The following ADCY2 variants were observed in gnomAD, a reference collection of about 807,000 sequenced individuals.
ADCY2 encodes the protein adenylate cyclase type 2.
In ADCY2, 31 loss-of-function variants were observed where a neutral mutation model predicts 125.2. The observed-to-expected ratio is 0.25, with a 90% CI of 0.19 to 0.33. The LOEUF (loss-of-function observed/expected upper bound fraction) is 0.33, where lower values mean the gene tolerates loss of function less well. ADCY2 is among the 10% of genes least tolerant of loss of function. The probability of loss-of-function intolerance (pLI) is 1.00; values close to 1 mark genes in which losing one functional copy is unlikely to be tolerated. For synonymous variants in ADCY2, 512 were observed against 548.4 expected (o/e 0.93, Z 0.93); for missense variants, 904 against 1,418.2 (o/e 0.64, Z 5.82).
At chr5:7,489,509 G>A (rs1335778288) in intron 2 of ADCY2, among the ~76,000 whole-genome samples, 1 of 152,142 alleles carries the variant, frequency 6.6e-6, no homozygotes, top group African/African-American at 2.4e-5. Flanking sequence ...TAGGCATATG[G>A]TAGTGAGTGA....
At chr5:7,538,702 G>A (rs558704597) in intron 3 of ADCY2, among the ~76,000 whole-genome samples, 2 of 152,058 alleles carry the variant, frequency 1.3e-5, no homozygotes, top group East Asian at 3.9e-4. Flanking sequence ...ACCTTAATGG[G>A]AAGAAATGCA....
intron 3 of ADCY2, among the ~76,000 whole-genome samples, chr5:7,593,700 A>C (rs1736917826): frequency 6.6e-6 from 1 of 152,226 alleles, no homozygotes; most frequent in African/African-American, 2.4e-5. Flanking sequence ...AAATGCCCCC[A>C]GGTCCTTTTT....
chr5:7,418,772 C>G (rs1216208441), intron 2 of ADCY2, among the ~76,000 whole-genome samples: 1 of 149,574 alleles, frequency 6.7e-6, no homozygotes, highest in Non-Finnish European at 1.5e-5. Flanking sequence ...TCTCCTGCCT[C>G]AGCCTCCTGA....
At chr5:7,650,904 T>C (rs1426548525) in intron 4 of ADCY2, among the ~76,000 whole-genome samples, 1 of 152,174 alleles carries the variant, frequency 6.6e-6, no homozygotes, top group Non-Finnish European at 1.5e-5. Context: ...AATGTTTGCA[T>C]AAATGGGTGC....
At chr5:7,443,467 C>T (rs1418648610) in intron 2 of ADCY2, among the ~76,000 whole-genome samples, 2 of 151,160 alleles carry the variant, frequency 1.3e-5, no homozygotes, top group African/African-American at 2.4e-5. Context: ...GGTGAAACCC[C>T]GTCTCTACTA....
intron 3 of ADCY2, among the ~76,000 whole-genome samples, chr5:7,557,980 C>A (rs1328043356): frequency 6.6e-6 from 1 of 152,134 alleles, no homozygotes; most frequent in Non-Finnish European, 1.5e-5. Context: ...ACACTCTCAC[C>A]AACTGTGTAT....
chr5:7,694,451 C>T (rs191990261), intron 5 of ADCY2, among the ~76,000 whole-genome samples: 1 of 152,278 alleles, frequency 6.6e-6, no homozygotes, highest in African/African-American at 2.4e-5. Context: ...ACTCCCCCTC[C>T]CCCAAGTCCC....
intron 3 of ADCY2, among the ~76,000 whole-genome samples, chr5:7,529,695 C>T (rs914231240): frequency 1.3e-5 from 2 of 152,196 alleles, no homozygotes; most frequent in Admixed American, 1.3e-4. Context: ...GGCTTCCTGG[C>T]CATTGAGAGT....
intron 3 of ADCY2, among the ~76,000 whole-genome samples, chr5:7,615,068 G>C (rs545413327): frequency 3.2e-4 from 49 of 152,040 alleles, no homozygotes; most frequent in Admixed American, 1.3e-3. Context: ...TAGTGGAGCA[G>C]GAGAGAGAGA....
At chr5:7,774,310 T>G (rs1743648162) in intron 18 of ADCY2, among the ~76,000 whole-genome samples, 1 of 152,224 alleles carries the variant, frequency 6.6e-6, no homozygotes, top group Non-Finnish European at 1.5e-5. Context: ...ATAATTATAT[T>G]TATGATTCCT....
At chr5:7,457,845 C>T (rs370823549) in intron 2 of ADCY2, among the ~76,000 whole-genome samples, 3 of 152,174 alleles carry the variant, frequency 2.0e-5, no homozygotes, top group Non-Finnish European at 2.9e-5. Flanking sequence ...GTTACCACGT[C>T]GTCCTGTTAT....
intron 20 of ADCY2, among the ~76,000 whole-genome samples, chr5:7,791,291 G>A (rs1744242275): frequency 6.6e-6 from 1 of 152,068 alleles, no homozygotes; most frequent in Non-Finnish European, 1.5e-5. Context: ...TTTCACTGAG[G>A]CATGGGAGTG....
intron 4 of ADCY2, among the ~76,000 whole-genome samples, chr5:7,689,987 T>C (rs1404153904): frequency 6.6e-6 from 1 of 152,206 alleles, no homozygotes; most frequent in Non-Finnish European, 1.5e-5. Flanking sequence ...CTAACTAGAA[T>C]AAGTTTATGT....
chr5:7,507,715 T>G (rs1362670533), intron 2 of ADCY2, among the ~76,000 whole-genome samples: 1 of 152,144 alleles, frequency 6.6e-6, no homozygotes, highest in Non-Finnish European at 1.5e-5. Flanking sequence ...GTGTTTTTGT[T>G]AGGACAGATG....
In ADCY2 at chr5:7,826,814, G is replaced by A. The variant is rs570658451; in HGVS notation, c.3219G>A (p.Thr1073=). ...TGAAAGGAAAGGGGGACCTGAAGAC[G>A]TACTTTGTAAACACAGAAATGTCAA... ...INVKGKGDLK[T]YFVNTEMSRS... Residue 1073 remains threonine, a synonymous_variant, in exon 25 of 25, where the codon ACG becomes ACA. Transcript: ENST00000338316. 1.1e-5 allele frequency: 18 copies of A among 1,613,980 alleles called. No individual in the cohort carries two copies. Among genetic ancestry groups the A allele is most frequent in the East Asian group, 6.7e-5 (3 of 44,888 alleles).
intron 4 of ADCY2, among the ~76,000 whole-genome samples, chr5:7,682,261 C>A (rs115133701): frequency 6.6e-6 from 1 of 152,114 alleles, no homozygotes. Context: ...GTTCTAAAAT[C>A]GCCTGGGAAT....
intron 1 of ADCY2, among the ~76,000 whole-genome samples, chr5:7,410,971 TGA>T (rs1264916092): frequency 6.6e-6 from 1 of 152,156 alleles, no homozygotes; most frequent in East Asian, 1.9e-4. Context: ...ATCCTAGGTC[TGA>T]GAGTGTCTCT....
rs116573699 is a variant in ADCY2 at position 7,575,098 on chromosome 5, G to A, written c.571-51069G>A. 7.5e-3 allele frequency among the ~76,000 whole-genome samples: 1,136 copies of A among 152,194 alleles called. 14 individuals carry two copies. The highest frequency in any genetic ancestry group is 0.026 in the African/African-American group (1,070 of 41,516). ...CCCAGAACTTTGGGAGGCTGAGGCC[G>A]AAGGATCACTTGAGGCCAGGAATTT... On this transcript the variant is annotated intron_variant, in intron 3 of 24. Transcript: ENST00000338316.
At chr5:7,808,402 A>G (rs112216170) in intron 22 of ADCY2, among the ~76,000 whole-genome samples, 3 of 151,828 alleles carry the variant, frequency 2.0e-5, no homozygotes, top group African/African-American at 7.3e-5. Context: ...AGCTTCCTTC[A>G]CTCTGTTTTA....
Sources: gnomAD v4.1 joint callset for allele counts (sites outside exome capture counted in the v4.1 genomes callset) on GRCh38, gnomAD v4.1.1 for gene constraint, MANE v1.5 for transcripts, NCBI Gene and HGNC (gene_info 2026-07-23, HGNC 2026-07-21) for gene names.